ARHGAP24: variants seen among roughly 807,000 people sequenced by gnomAD.
ARHGAP24 encodes Rho GTPase activating protein 24, also known as rho GTPase-activating protein 24.
In ARHGAP24, 50 loss-of-function variants were observed where a neutral mutation model predicts 76.4. The observed-to-expected ratio is 0.65, with a 90% confidence interval of 0.52 to 0.83. The LOEUF (loss-of-function observed/expected upper bound fraction) is 0.83, where lower values mean the gene tolerates loss of function less well. Ranked by LOEUF, ARHGAP24 falls within the 40% of genes least tolerant of loss-of-function variation. ARHGAP24 has a pLI of 0.00. For missense variants in ARHGAP24, 930 were observed against 914.2 expected (o/e 1.02, Z -0.22); for synonymous variants, 345 against 323.3 (o/e 1.07, Z -0.72).
Position 85,821,676 on chromosome 4 carries a change from T to A in ARHGAP24, c.268+99704T>A, listed in dbSNP as rs1164647209. Among the ~76,000 whole-genome samples, 10 of 152,356 alleles carry A rather than the reference T, an allele frequency of 6.6e-5. No homozygotes were observed. In the South Asian group the frequency reaches 1.9e-3, roughly 28 times the overall value. On this transcript the variant is annotated intron_variant, in intron 3 of 9. Coordinates refer to ENST00000395184, the MANE Select transcript of ARHGAP24 (RefSeq NM_001025616.3). ...ATGGGGTTACAGGTATGAGTCACCA[T>A]GCCCAGCCTATTATTTTTATATGAA...
At chr4:85,719,599 G>T (rs1224768338) in intron 2 of ARHGAP24, among the ~76,000 whole-genome samples, 1 of 152,156 alleles carries the variant, frequency 6.6e-6, no homozygotes, top group Non-Finnish European at 1.5e-5. Flanking sequence ...AGGAGCATGG[G>T]CTTTTGAGTT....
At chr4:85,670,036 T>A (rs1300276957) in intron 2 of ARHGAP24, among the ~76,000 whole-genome samples, 2 of 151,914 alleles carry the variant, frequency 1.3e-5, no homozygotes, top group Non-Finnish European at 2.9e-5. Context: ...GAAAGGAATT[T>A]TTATTCAGTT....
chr4:85,931,106 G>T (rs1736307418), intron 4 of ARHGAP24: 2 of 1,489,742 alleles, frequency 1.3e-6, no homozygotes, highest in South Asian at 2.5e-5. Flanking sequence ...AGGCTTTAAG[G>T]TCTGTTTATG....
rs560564220 is a variant in ARHGAP24, at chr4:85,758,834, G to A, written c.268+36862G>A. ...TTGGAAGAGGAGAATATTAAGAACT[G>A]TTAAGGAAAATGATGCGTAAATCAC... is the stretch of plus-strand genomic sequence containing the variant. On this transcript the variant is annotated intron_variant, in intron 3 of 9. Coordinates refer to ENST00000395184, the MANE Select transcript of ARHGAP24 (RefSeq NM_001025616.3). Among the ~76,000 whole-genome samples the A allele has an allele frequency of 5.9e-4, 90 of 152,286 alleles. No homozygotes were observed. The South Asian group carries it at 0.012, about 20-fold the overall frequency.
At chr4:85,500,693 A>G (rs1354175211) in intron 1 of ARHGAP24, among the ~76,000 whole-genome samples, 1 of 152,154 alleles carries the variant, frequency 6.6e-6, no homozygotes, top group Non-Finnish European at 1.5e-5. Context: ...ATGGCCTCAG[A>G]ATGGAATATG....
intron 1 of ARHGAP24, among the ~76,000 whole-genome samples, chr4:85,564,703 G>A (rs914669122): frequency 4.4e-4 from 67 of 151,214 alleles, no homozygotes; most frequent in Middle Eastern, 6.8e-3. Context: ...CATAAGGAGC[G>A]CACGACCTAG....
intron 3 of ARHGAP24, among the ~76,000 whole-genome samples, chr4:85,884,471 C>G (rs1733444049): frequency 6.6e-6 from 1 of 152,102 alleles, no homozygotes; most frequent in South Asian, 2.1e-4. Context: ...GACTAGCTTT[C>G]TAAACATTTG....
chr4:85,992,751 A>G (rs941826004), intron 8 of ARHGAP24, among the ~76,000 whole-genome samples: 1 of 152,202 alleles, frequency 6.6e-6, no homozygotes, highest in East Asian at 1.9e-4. Flanking sequence ...ATATGATGAC[A>G]AATTCGGAGA....
intron 2 of ARHGAP24, among the ~76,000 whole-genome samples, chr4:85,647,355 C>A (rs896590882): frequency 2.0e-5 from 3 of 151,986 alleles, no homozygotes; most frequent in African/African-American, 7.2e-5. Context: ...ATCTAACATT[C>A]CTCTGCCTTT....
At chr4:85,723,013 G>T (rs550346995) in intron 3 of ARHGAP24, among the ~76,000 whole-genome samples, 67 of 152,294 alleles carry the variant, frequency 4.4e-4, no homozygotes, top group Middle Eastern at 6.8e-3. Flanking sequence ...GTGCAGAAAG[G>T]TTAGTCAGAT....
intron 1 of ARHGAP24, among the ~76,000 whole-genome samples, chr4:85,558,698 A>G (rs931180): frequency 0.85 from 129,048 of 152,170 alleles, 56,240 homozygotes; most frequent in East Asian, 0.98. Context: ...TCATTTTGCT[A>G]GGCTTTAGAG....
intron 3 of ARHGAP24, among the ~76,000 whole-genome samples, chr4:85,797,309 A>G (rs545337642): frequency 6.6e-6 from 1 of 151,848 alleles, no homozygotes; most frequent in Admixed American, 6.5e-5. Flanking sequence ...AGCAGCTGGG[A>G]CTACAGGCGC....
Position 85,484,944 on chromosome 4 carries a change from A to G in ARHGAP24, c.-21+9385A>G, listed in dbSNP as rs572626275. Among the ~76,000 whole-genome samples, 384 of 152,212 alleles carry G rather than the reference A, an allele frequency of 2.5e-3. 2 individuals carry two copies. The highest frequency in any genetic ancestry group is 4.4e-3 in the Non-Finnish European group (302 of 67,998). ...CTGTTGTATTTGGTTTATGGTTGGTAGGCTGTATTTGCTTTAAGACTTAAA... is the reference window on the plus strand; with the variant it reads ...CTGTTGTATTTGGTTTATGGTTGGTGGGCTGTATTTGCTTTAAGACTTAAA... On this transcript the variant is annotated intron_variant, in intron 1 of 9. Coordinates refer to ENST00000395184, the MANE Select transcript of ARHGAP24 (RefSeq NM_001025616.3).
chr4:85,659,650 A>G (rs1360068480), intron 2 of ARHGAP24, among the ~76,000 whole-genome samples: 3 of 152,242 alleles, frequency 2.0e-5, no homozygotes, highest in Non-Finnish European at 2.9e-5. Context: ...TGATGAACAC[A>G]TTATATAATT....
At chr4:85,597,006 C>T (rs1440654922) in intron 2 of ARHGAP24, among the ~76,000 whole-genome samples, 1 of 152,024 alleles carries the variant, frequency 6.6e-6, no homozygotes, top group African/African-American at 2.4e-5. Flanking sequence ...ATTAAAGGAA[C>T]AATAAGTAAC....
chr4:85,833,584 A>G (rs908649217), intron 3 of ARHGAP24, among the ~76,000 whole-genome samples: 2 of 152,240 alleles, frequency 1.3e-5, no homozygotes, highest in African/African-American at 4.8e-5. Flanking sequence ...AGATTAAGGC[A>G]AATCTACAGA....
chr4:85,730,874 C>T (rs1221354954), intron 3 of ARHGAP24, among the ~76,000 whole-genome samples: 1 of 151,940 alleles, frequency 6.6e-6, no homozygotes, highest in Non-Finnish European at 1.5e-5. Flanking sequence ...CTTTTACCAT[C>T]AGTATGAGAA....
intron 3 of ARHGAP24, among the ~76,000 whole-genome samples, chr4:85,920,419 T>C (rs1735658082): frequency 6.6e-6 from 1 of 152,076 alleles, no homozygotes; most frequent in South Asian, 2.1e-4. Context: ...CTCAAAATTA[T>C]AAAAACCCTG....
chr4:85,622,846 A>T (rs935171353), intron 2 of ARHGAP24, among the ~76,000 whole-genome samples: 2 of 152,206 alleles, frequency 1.3e-5, no homozygotes, highest in Non-Finnish European at 2.9e-5. Flanking sequence ...TCTGATGGCC[A>T]GTGATGATGA....
Sources: allele counts gnomAD v4.1 joint callset (sites outside exome capture counted in the v4.1 genomes callset), GRCh38; gene constraint gnomAD v4.1.1; transcripts MANE v1.5; gene names NCBI Gene and HGNC (gene_info 2026-07-23, HGNC 2026-07-21).